Variants in COL7A1 observed in about 807,000 individuals in gnomAD.
COL7A1 encodes the protein collagen type VII alpha 1 chain.
COL7A1 carries 296 observed loss-of-function variants against 456.2 expected under a neutral mutation model. That is an observed-to-expected ratio of 0.65 (90% CI 0.59 to 0.71). COL7A1 has a LOEUF of 0.71. Among genes scored for constraint, COL7A1 ranks in the 30% least tolerant of loss-of-function variants. COL7A1 has a pLI of 0.00. For missense variants in COL7A1, 3,441 were observed against 4,017.2 expected (o/e 0.86, Z 3.88); for synonymous variants, 1,464 against 1,525.9 (o/e 0.96, Z 0.95).
intron 35 of COL7A1, 82 bp from the exon 36 acceptor site, chr3:48,584,638 T>A (rs2045087631): frequency 6.2e-7 from 1 of 1,612,168 alleles, no homozygotes; most frequent in Admixed American, 1.7e-5. Flanking sequence ...GTCCAGCTAT[T>A]CCTATTCGCG....
Position 48,584,118 on chromosome 3 carries a change from C to T in COL7A1, c.4198-57G>A, listed in dbSNP as rs1292359698. 5.0e-6 allele frequency: 8 copies of T among 1,613,382 alleles called. No individual in the cohort carries two copies. The African/African-American group carries it at 8.0e-5, about 16-fold the overall frequency. ...GGCCACACCTCACTCCCAAAGATAC[C>T]AGGAGTGATGAGGGTCATGGGGTCC... On this transcript the variant is annotated intron_variant, in intron 37 of 118. Transcript: ENST00000681320.
Position 48,588,967 on chromosome 3 carries a change from C to G in COL7A1, c.2343G>C (p.Arg781Ser). 2 of 1,613,522 alleles carry G rather than the reference C, an allele frequency of 1.2e-6. No individual in the cohort carries two copies. Among genetic ancestry groups the G allele is most frequent in the Non-Finnish European group, 1.7e-6 (2 of 1,180,036 alleles). ...TAPEPVGRVSRLQILNASSDV... is the reference protein window; with the variant it reads ...TAPEPVGRVSSLQILNASSDV... Reference sequence around the variant, plus strand: ...CGCTGGAAGCATTGAGGATCTGCAGCCTCGACACACGACCCACAGGCTCAG... The same window carrying G: ...CGCTGGAAGCATTGAGGATCTGCAGGCTCGACACACGACCCACAGGCTCAG... Residue 781 changes from arginine (R) to serine (S), a missense_variant, in exon 19 of 119, where the codon AGG (arginine) becomes AGC (serine). Physicochemically the swap from Arg to Ser is moderately radical, Grantham distance 110 (BLOSUM62 -1). Coordinates refer to ENST00000681320, the MANE Select transcript of COL7A1 (RefSeq NM_000094.4). This position sits in a 1 kb window ranked among gnomAD's most constrained non-coding sequence, Gnocchi z 4.6.
In COL7A1 at chr3:48,570,010, A is replaced by C; in HGVS notation, c.7486-95T>G. The C allele has an allele frequency of 6.3e-7, 1 of 1,597,166 alleles. No individual in the cohort carries two copies. Among genetic ancestry groups the C allele is most frequent in the Non-Finnish European group, 8.6e-7 (1 of 1,165,894 alleles). On this transcript the variant is annotated intron_variant, in intron 99 of 118. Coordinates refer to ENST00000681320, the MANE Select transcript of COL7A1 (RefSeq NM_000094.4). The surrounding 1 kb of genome is among the most constrained non-coding windows in gnomAD (Gnocchi z 5.5). ...GGAGGGAAACAGTGGGGACCAGACA[A>C]AGGGGACAGGGGTAGACGAGGAGGG...
Position 48,595,118 on chromosome 3 carries a change from G to A in COL7A1, c.42C>T (p.Ile14=). Residue 14 remains isoleucine (I), a synonymous_variant, in exon 2 of 119, where the codon ATC becomes ATT. Coordinates refer to ENST00000681320, the MANE Select transcript of COL7A1 (RefSeq NM_000094.4). ...CTCGCACTCGGGGCGCCTCTGCCAG[G>A]ATCCCGGCGCAGAGCGCGGCCACCA... is the stretch of plus-strand genomic sequence containing the variant. The part of the protein sequence containing the change: ...RLLVAALCAG[I]LAEAPRVRAQ... 1 of 1,555,330 alleles carries A rather than the reference G, an allele frequency of 6.4e-7. No individual in the cohort carries two copies. Among genetic ancestry groups the A allele is most frequent in the Non-Finnish European group, 8.7e-7 (1 of 1,149,772 alleles).
chr3:48,586,621 G>A lies in COL7A1; in HGVS notation c.3345C>T (p.Gly1115=). ...LFPLNGSHDL[G]IILQRIRDMP... is the part of the protein sequence containing the mutation. ...TGTCACGGATCCTTTGCAAGATAAT[G>A]CCAAGGTCATGGGAGCCATTCAGTG... Residue 1115 remains glycine, a synonymous_variant, in exon 26 of 119, where the codon GGC becomes GGT. Coordinates refer to ENST00000681320, the MANE Select transcript of COL7A1 (RefSeq NM_000094.4). The surrounding 1 kb of genome is among the most constrained non-coding windows in gnomAD (Gnocchi z 5.1). 1 of 1,613,700 alleles carries A rather than the reference G, an allele frequency of 6.2e-7. No individual in the cohort carries two copies. The highest frequency in any genetic ancestry group is 8.5e-7 in the Non-Finnish European group (1 of 1,180,030).
At position 48,586,058 on chromosome 3, in the gene COL7A1, G is replaced by C. The variant is rs1416168779; in HGVS notation, c.3723+16C>G. ...TTATATTCTACCACCCAGTCCCCCA[G>C]AGGCCTCTTCCAAACCTGAGTAGTG... On this transcript the variant is annotated intron_variant, in intron 28 of 118. Transcript: ENST00000681320. The surrounding 1 kb of genome is among the most constrained non-coding windows in gnomAD (Gnocchi z 5.1). 2 of 1,613,408 alleles carry C rather than the reference G, an allele frequency of 1.2e-6. No homozygotes were observed. Among genetic ancestry groups the C allele is most frequent in the African/African-American group, 2.7e-5 (2 of 74,922 alleles).
Position 48,573,002 on chromosome 3 carries a change from C to G in COL7A1, c.6750+19G>C. On this transcript the variant is annotated intron_variant, in intron 86 of 118. Transcript: ENST00000681320. The surrounding 1 kb of genome is among the most constrained non-coding windows in gnomAD (Gnocchi z 5.5). ...GACCCTTGACCCCTGGAGCCCAACCCTTGACCCCCAGAACTCACCACTTGT... is the reference window on the plus strand; with the variant it reads ...GACCCTTGACCCCTGGAGCCCAACCGTTGACCCCCAGAACTCACCACTTGT... The G allele has an allele frequency of 6.2e-7, 1 of 1,614,096 alleles. No individual in the cohort carries two copies. The highest frequency in any genetic ancestry group is 1.1e-5 in the South Asian group (1 of 91,084).
rs746038868 is a variant in COL7A1, at chr3:48,581,452, G to A, written c.4814C>T (p.Pro1605Leu). ...CCCAGGGTAACGGGTACTCACTGGG[G>A]GTCCTGCTCTGCCAGTAAGGCCAAT... ...GPIGLTGRAGPPGDSGPPGEK... is the reference protein window; with the variant it reads ...GPIGLTGRAGLPGDSGPPGEK... Residue 1605 changes from proline (P) to leucine (L), a missense_variant, in exon 51 of 119, where the codon CCC becomes CTC. Physicochemically the swap from Pro to Leu is moderately conservative, Grantham distance 98. Coordinates refer to ENST00000681320, the MANE Select transcript of COL7A1 (RefSeq NM_000094.4). This position sits in a 1 kb window ranked among gnomAD's most constrained non-coding sequence, Gnocchi z 5.8. 2 of 1,614,024 alleles carry A rather than the reference G, an allele frequency of 1.2e-6. No individual in the cohort carries two copies. The highest frequency in any genetic ancestry group is 1.7e-6 in the Non-Finnish European group (2 of 1,180,004).
rs1475723070 is a variant in COL7A1 at position 48,575,687 on chromosome 3, A to G, written c.5918T>C (p.Val1973Ala). The change falls in exon 73 of 119, where the codon GTG becomes GCG. Residue 1973 changes from valine (V) to alanine (A), a missense_variant. By Grantham distance (64) the Val-to-Ala change is moderately conservative (BLOSUM62 0). This residue lies in a region of COL7A1 where 2,084 missense variants were observed against 2,501.3 expected (regional missense o/e 0.83). Coordinates refer to ENST00000681320, the MANE Select transcript of COL7A1 (RefSeq NM_000094.4). This position sits in a 1 kb window ranked among gnomAD's most constrained non-coding sequence, Gnocchi z 6.3. ...CTTGGGGCCTCGACGCCGTTCGGGC[A>G]CAGGCAGGAAGCTACCAGAGCTCTC... ...WDESSGSFLP[V>A]PERRRGPKGD... The G allele has an allele frequency of 6.2e-7, 1 of 1,613,672 alleles. No homozygotes were observed. The highest frequency in any genetic ancestry group is 8.5e-7 in the Non-Finnish European group (1 of 1,179,994).
In COL7A1 at chr3:48,592,489, G is replaced by A. The variant is rs774311385; in HGVS notation, c.977-22C>T. Reference sequence around the variant, plus strand: ...GCAGCTGGGGGAGAGTCCCACCAGGGATTCATGGAGTCAGAAGTGGGAGGG... The same window carrying A: ...GCAGCTGGGGGAGAGTCCCACCAGGAATTCATGGAGTCAGAAGTGGGAGGG... On this transcript the variant is annotated intron_variant, in intron 8 of 118. Transcript: ENST00000681320. The surrounding 1 kb of genome is among the most constrained non-coding windows in gnomAD (Gnocchi z 7.6). 9 of 1,611,138 alleles carry A rather than the reference G, an allele frequency of 5.6e-6. No homozygotes were observed. The Admixed American group carries it at 1.3e-4, about 24-fold the overall frequency.
chr3:48,578,141 G>A lies in COL7A1; in HGVS notation c.5532+180C>T, dbSNP rs979227253. Among the ~76,000 whole-genome samples, 3 of 151,900 alleles carry A rather than the reference G, an allele frequency of 2.0e-5. No homozygotes were observed. The highest frequency in any genetic ancestry group is 4.4e-5 in the Non-Finnish European group (3 of 67,982). ...ATTGTGCCACTGCACTCCAACCTGGGCAACAAGAGCGAAACTCCATCTCAA... is the reference window on the plus strand; with the variant it reads ...ATTGTGCCACTGCACTCCAACCTGGACAACAAGAGCGAAACTCCATCTCAA... On this transcript the variant is annotated intron_variant, in intron 65 of 118. Transcript: ENST00000681320. The surrounding 1 kb of genome is among the most constrained non-coding windows in gnomAD (Gnocchi z 4.7).
rs41290686 is a variant in COL7A1, at chr3:48,566,626, G to A, written c.8304+34C>T. 104,028 of 1,614,072 alleles carry A rather than the reference G, an allele frequency of 0.064. 3,649 individuals carry two copies. The highest frequency in any genetic ancestry group is 0.074 in the Non-Finnish European group (87,742 of 1,179,964). On this transcript the variant is annotated intron_variant, in intron 112 of 118. Transcript: ENST00000681320. This position sits in a 1 kb window ranked among gnomAD's most constrained non-coding sequence, Gnocchi z 5.9. ...CCTCAGGGACAACAGAAGTCACCCCGATCTCTGACCCAAGCCTTGGAATCC... is the reference window on the plus strand; with the variant it reads ...CCTCAGGGACAACAGAAGTCACCCCAATCTCTGACCCAAGCCTTGGAATCC...
At position 48,566,426 on chromosome 3, in the gene COL7A1, T is replaced by A. The variant is rs2043607816; in HGVS notation, c.8358+84A>T. The A allele has an allele frequency of 8.7e-6, 14 of 1,607,546 alleles. No individual in the cohort carries two copies. On this transcript the variant is annotated intron_variant, in intron 113 of 118. Coordinates refer to ENST00000681320, the MANE Select transcript of COL7A1 (RefSeq NM_000094.4). This position sits in a 1 kb window ranked among gnomAD's most constrained non-coding sequence, Gnocchi z 5.9. ...ACTGCATGGAGCCAGGGCCCAGGGG[T>A]CAGGGTGCTGGGTGAGGGAGGTAGG...
Position 48,583,766 on chromosome 3 carries a change from G to A in COL7A1, c.4293C>T (p.Ser1431=), listed in dbSNP as rs1313079443. The part of the protein sequence containing the change: ...GEPGLPGLPG[S]PGPQGPVGPP... ...GGCCAACGGGGCCTTGGGGTCCAGG[G>A]CTTCCGGGAAGACCCTAGGAAGAAG... Residue 1431 remains serine, a synonymous_variant, in exon 40 of 119, where the codon AGC becomes AGT. Coordinates refer to ENST00000681320, the MANE Select transcript of COL7A1 (RefSeq NM_000094.4). This position sits in a 1 kb window ranked among gnomAD's most constrained non-coding sequence, Gnocchi z 5.1. The A allele has an allele frequency of 1.2e-6, 2 of 1,613,778 alleles. No individual in the cohort carries two copies. Among genetic ancestry groups the A allele is most frequent in the Non-Finnish European group, 8.5e-7 (1 of 1,179,938 alleles).
In COL7A1 at chr3:48,588,451, C is replaced by G; in HGVS notation, c.2588-47G>C. The G allele has an allele frequency of 6.3e-7, 1 of 1,599,900 alleles. No individual in the cohort carries two copies. Among genetic ancestry groups the G allele is most frequent in the Non-Finnish European group, 8.5e-7 (1 of 1,178,230 alleles). On this transcript the variant is annotated intron_variant, in intron 20 of 118. Transcript: ENST00000681320. This position sits in a 1 kb window ranked among gnomAD's most constrained non-coding sequence, Gnocchi z 4.6. The stretch of plus-strand genomic sequence containing the variant: ...CAGGGAGGCTCTGCCCCCATGGCCC[C>G]TGCACCAATCCCAGGCCCACCCTGG...
Position 48,586,668 on chromosome 3 carries a change from G to C in COL7A1, c.3298C>G (p.His1100Asp). The change falls in exon 26 of 119, where the codon CAT becomes GAT. Residue 1100 changes from histidine (H) to aspartate (D), a missense_variant. Physicochemically the swap from His to Asp is moderately conservative, Grantham distance 81. Transcript: ENST00000681320. The surrounding 1 kb of genome is among the most constrained non-coding windows in gnomAD (Gnocchi z 5.1). ...AVQVGLLSYS[H>D]RPSPLFPLNG... The stretch of plus-strand genomic sequence containing the variant: ...AGTGGGAACAGTGGGGAGGGCCGAT[G>C]ACTGTAAGACAGCAGGCCAACCTGG... 1 of 1,603,384 alleles carries C rather than the reference G, an allele frequency of 6.2e-7. No homozygotes were observed. The highest frequency in any genetic ancestry group is 1.7e-4 in the Middle Eastern group (1 of 6,046).
In COL7A1 at chr3:48,590,891, G is replaced by T; in HGVS notation, c.1637-75C>A. 1 of 1,529,792 alleles carries T rather than the reference G, an allele frequency of 6.5e-7. No homozygotes were observed. The allele number at this position is 1,529,792 out of a possible 1,614,324, so 94.8% of individuals were successfully genotyped here. A position where few individuals can be genotyped will look rare whatever the true frequency, so the allele number is the denominator to read the frequency against. On this transcript the variant is annotated intron_variant, in intron 13 of 118. Transcript: ENST00000681320. This position sits in a 1 kb window ranked among gnomAD's most constrained non-coding sequence, Gnocchi z 4.6. ...TGTGGGACGATGGCAGTGATGGACA[G>T]GGACGCAGAGTGAGAAGGGCCATGG...
chr3:48,566,302 C>G lies in COL7A1; in HGVS notation c.8372G>C (p.Arg2791Pro), dbSNP rs760890354. 17 of 1,604,272 alleles carry G rather than the reference C, an allele frequency of 1.1e-5. No homozygotes were observed. Among genetic ancestry groups the G allele is most frequent in the Non-Finnish European group, 1.4e-5 (17 of 1,176,052 alleles). ...ACTCATCTCTTGGCGCACAAAGCCC[C>G]GGATGTCATCCTCCTGGGAGCAGAA... ...GEAALTEDDI[R>P]GFVRQEMSQH... Residue 2791 changes from arginine to proline, a missense_variant, in exon 114 of 119, where the codon CGG (arginine) becomes CCG (proline). By Grantham distance (103) the Arg-to-Pro change is moderately radical. Transcript: ENST00000681320. The surrounding 1 kb of genome is among the most constrained non-coding windows in gnomAD (Gnocchi z 5.9).
At chr3:48,577,092 G>C (rs1445897448) in intron 65 of COL7A1, 65 bp from the exon 66 acceptor site, 2 of 1,594,214 alleles carry the variant, frequency 1.3e-6, no homozygotes, top group East Asian at 4.5e-5. Context: ...ACACTACCTT[G>C]CTAGATTTCA....
Sources: gnomAD v4.1 joint callset for allele counts (sites outside exome capture counted in the v4.1 genomes callset) on GRCh38, gnomAD v4.1.1 for gene constraint, gnomAD v4.1.1 regional missense constraint, Gnocchi (gnomAD v3.1) non-coding constraint, MANE v1.5 for transcripts, NCBI Gene and HGNC (gene_info 2026-07-23, HGNC 2026-07-21) for gene names.